The following TRRAP variants were observed in gnomAD, a reference collection of about 807,000 sequenced individuals.
The protein encoded by TRRAP is transformation/transcription domain associated protein, also known as transformation/transcription domain-associated protein.
A neutral mutation model predicts 438.8 loss-of-function variants in TRRAP; 41 were observed. That is an observed-to-expected ratio of 0.09 (90% CI 0.07 to 0.12). The LOEUF (loss-of-function observed/expected upper bound fraction) is 0.12. TRRAP is among the 10% of genes least tolerant of loss of function. The pLI is 1.00. For synonymous variants in TRRAP, 1,994 were observed against 1,962.9 expected, an observed-to-expected ratio of 1.02 and a Z score of -0.42; for missense variants, 3,122 against 5,055.1, an observed-to-expected ratio of 0.62 and a Z score of 11.60.
chr7:98,922,479 G>T (rs1298389478), intron 21 of TRRAP, among the ~76,000 whole-genome samples: 6 of 152,094 alleles, frequency 3.9e-5, no homozygotes, highest in African/African-American at 1.4e-4. Context: ...TGCCCTGTCT[G>T]TGTTGAACAC....
At chr7:99,008,606 C>T (rs759956167) in intron 70 of TRRAP, 45 bp downstream of exon 70, 7 of 1,601,060 alleles carry the variant, frequency 4.4e-6, no homozygotes, top group Non-Finnish European at 6.0e-6. Context: ...GCCTGCAGCC[C>T]TCCTGTGTGG....
intron 53 of TRRAP, among the ~76,000 whole-genome samples, chr7:98,974,862 GA>G (rs1792580835): frequency 6.6e-6 from 1 of 151,484 alleles, no homozygotes; most frequent in Admixed American, 6.6e-5. Flanking sequence ...TTTCTAACCT[GA>G]TGCAGCTGTG....
In TRRAP at chr7:98,974,461, G is replaced by A. The variant is rs1358681692; in HGVS notation, c.7840-1688G>A. ...GGCCATTGTTCCCTGTGGGAATTCTGTGGAGGCAGCAACCCCTCGCTGGGC... is the reference window on the plus strand; with the variant it reads ...GGCCATTGTTCCCTGTGGGAATTCTATGGAGGCAGCAACCCCTCGCTGGGC... On this transcript the variant is annotated intron_variant, in intron 53 of 72. Coordinates refer to ENST00000456197, the MANE Select transcript of TRRAP (RefSeq NM_001375524.1). 2.0e-5 allele frequency among the ~76,000 whole-genome samples: 3 copies of A among 152,150 alleles called. No homozygotes were observed. In the East Asian group the frequency reaches 5.8e-4, roughly 29 times the overall value.
At position 98,951,094 on chromosome 7, in the gene TRRAP, T is replaced by TGTGTG. The variant is rs1554418168; in HGVS notation, c.5463+90_5463+91insGTGTG. 6.2e-4 allele frequency: 795 copies of TGTGTG among 1,284,302 alleles called. 1 individual carries two copies. The highest frequency in any genetic ancestry group is 1.2e-3 in the South Asian group (43 of 34,848). The allele number at this position is 1,284,302 out of a possible 1,614,324, so 79.6% of individuals were successfully genotyped here. Reference sequence around the variant, plus strand: ...GTGTGTGTGTGTGTGTGTGTGTGTGTTAAGGGGGTTCATTGAAATAAGTTT... The same window carrying TGTGTG: ...GTGTGTGTGTGTGTGTGTGTGTGTGTGTGTGTAAGGGGGTTCATTGAAATAAGTTT... On this transcript the variant is annotated intron_variant, in intron 39 of 72. Transcript: ENST00000456197.
intron 63 of TRRAP, among the ~76,000 whole-genome samples, chr7:98,989,497 CAAAT>C (rs569187157): frequency 1.2e-3 from 183 of 152,358 alleles, no homozygotes; most frequent in African/African-American, 4.2e-3. Flanking sequence ...AAGAAGCAGA[CAAAT>C]AAAACCCAGA....
At position 99,005,435 on chromosome 7, in the gene TRRAP, C is replaced by A; in HGVS notation, c.10753+87C>A. The A allele has an allele frequency of 1.5e-6, 2 of 1,297,852 alleles. No homozygotes were observed. Among genetic ancestry groups the A allele is most frequent in the Non-Finnish European group, 2.2e-6 (2 of 903,326 alleles). The allele number at this position is 1,297,852 out of a possible 1,614,324, so 80.4% of individuals were successfully genotyped here. On this transcript the variant is annotated intron_variant, in intron 69 of 72. Transcript: ENST00000456197. The surrounding 1 kb of genome is among the most constrained non-coding windows in gnomAD (Gnocchi z 5.1). Reference sequence around the variant, plus strand: ...CACACCTCGTGGGGTGCACAGGCAGCTCACGTTAGCCTTTGAGGGTCCAGC... The same window carrying A: ...CACACCTCGTGGGGTGCACAGGCAGATCACGTTAGCCTTTGAGGGTCCAGC...
At chr7:98,975,600 C>T (rs28750185) in intron 53 of TRRAP, among the ~76,000 whole-genome samples, 15,451 of 152,248 alleles carry the variant, frequency 0.1, 2,588 homozygotes, top group African/African-American at 0.35. Flanking sequence ...CCAGGCGTTC[C>T]GTTCCAGTCC....
Position 98,922,437 on chromosome 7 carries a change from G to A in TRRAP, c.2823+484G>A, listed in dbSNP as rs190983035. On this transcript the variant is annotated intron_variant, in intron 21 of 72. Transcript: ENST00000456197. ...TGTGTAAAAAGCAGACAGTGCCCCC[G>A]CACCCTGCTGGAGTGTCCTGCCTGC... 2.1e-3 allele frequency among the ~76,000 whole-genome samples: 323 copies of A among 152,230 alleles called. 1 individual carries two copies. The highest frequency in any genetic ancestry group is 6.9e-3 in the African/African-American group (286 of 41,550).
At position 98,949,700 on chromosome 7, in the gene TRRAP, C is replaced by T. The variant is rs782052988; in HGVS notation, c.4994C>T (p.Ala1665Val). The change falls in exon 37 of 73, where the codon GCC (alanine) becomes GTC (valine). Residue 1665 changes from alanine to valine, a missense_variant. By Grantham distance (64) the Ala-to-Val change is moderately conservative. Transcript: ENST00000456197. ...GTGAAAAACGATGACTCCTGGCTGG[C>T]CAGCCAGCACTCTCTGGTGAGCCAG... ...IIVKNDDSWL[A>V]SQHSLVSQLR... 6.2e-7 allele frequency: 1 copy of T among 1,613,988 alleles called. No individual in the cohort carries two copies. Among genetic ancestry groups the T allele is most frequent in the Non-Finnish European group, 8.5e-7 (1 of 1,179,980 alleles).
rs767642410 is a variant in TRRAP at position 98,951,133 on chromosome 7, G to A, written c.5463+129G>A. 6.3e-4 allele frequency: 723 copies of A among 1,153,826 alleles called. 1 individual carries two copies. Among genetic ancestry groups the A allele is most frequent in the Non-Finnish European group, 6.7e-4 (596 of 885,740 alleles). 71.5% of individuals were successfully genotyped at this position (1,153,826 alleles called of 1,614,324 possible). A position where few individuals can be genotyped will look rare whatever the true frequency, so the allele number is the denominator to read the frequency against. On this transcript the variant is annotated intron_variant, in intron 39 of 72. Transcript: ENST00000456197. ...TGAAATAAGTTTGTTCCGCCAACAC[G>A]TTTATTTTTCATGATTGTGTTAGTT...
chr7:98,916,831 C>T (rs80040316), intron 19 of TRRAP, among the ~76,000 whole-genome samples: 5,616 of 152,204 alleles, frequency 0.037, 334 homozygotes, highest in African/African-American at 0.13. Context: ...TCTGCTGCCC[C>T]GTGAGGCCAT....
chr7:98,895,663 T>C (rs1174593867), intron 6 of TRRAP, 101 bp from the exon 7 acceptor site: 11 of 955,004 alleles, frequency 1.2e-5, no homozygotes, highest in Admixed American at 3.1e-5. Context: ...ACCTCTCTTA[T>C]GAGTTCTTAC....
At chr7:98,950,765 T>G in intron 38 of TRRAP, 111 bp from the exon 39 acceptor site, 6 of 1,317,186 alleles carry the variant, frequency 4.6e-6, no homozygotes, top group Non-Finnish European at 6.0e-6. Flanking sequence ...CACCCTGGGT[T>G]GAGTTCCAAC....
At chr7:98,992,063 T>C in intron 64 of TRRAP, 74 bp from the exon 65 acceptor site, 2 of 1,534,868 alleles carry the variant, frequency 1.3e-6, no homozygotes, top group African/African-American at 2.7e-5. Flanking sequence ...ACATTGGTTA[T>C]TTTCAGTACA....
Position 98,945,744 on chromosome 7 carries a change from C to T in TRRAP, c.4474-3C>T, listed in dbSNP as rs1791025519. 6.3e-7 allele frequency: 1 copy of T among 1,598,086 alleles called. No homozygotes were observed. Among genetic ancestry groups the T allele is most frequent in the East Asian group, 2.2e-5 (1 of 44,882 alleles). On this transcript the variant is annotated splice_polypyrimidine_tract_variant and splice_region_variant and intron_variant, in intron 31 of 72. Transcript: ENST00000456197. The stretch of plus-strand genomic sequence containing the variant: ...AAAAGATGATTTTCCTCCCCATCCT[C>T]AGGAAAGCATTTCCGAGTGCGGGAG...
Position 98,893,674 on chromosome 7 carries a change from C to G in TRRAP, c.367-124C>G, listed in dbSNP as rs557430744. 6.4e-5 allele frequency: 54 copies of G among 841,268 alleles called. 1 individual carries two copies. The Admixed American group carries it at 1.3e-3, about 20-fold the overall frequency. 52.1% of individuals were successfully genotyped at this position (841,268 alleles called of 1,614,324 possible). ...GTCTGGGACAACTGTGTTCTGTGAG[C>G]TGATGAATTTTCAGCAAATCCAATA... On this transcript the variant is annotated intron_variant, in intron 5 of 72. Coordinates refer to ENST00000456197, the MANE Select transcript of TRRAP (RefSeq NM_001375524.1).
intron 23 of TRRAP, among the ~76,000 whole-genome samples, chr7:98,927,977 G>A (rs145106704): frequency 0.01 from 1,548 of 152,256 alleles, 30 homozygotes; most frequent in African/African-American, 0.034. Context: ...GGTGGCTCAC[G>A]CCTATAATCC....
intron 23 of TRRAP, among the ~76,000 whole-genome samples, chr7:98,929,504 C>G (rs563668455): frequency 6.6e-6 from 1 of 152,206 alleles, no homozygotes; most frequent in Non-Finnish European, 1.5e-5. Context: ...AAAATACAGC[C>G]TAAAGGCATA....
In TRRAP at chr7:98,956,187, G is replaced by A; in HGVS notation, c.5979G>A (p.Val1993=). The change falls in exon 42 of 73, where the codon GTG becomes GTA. Residue 1993 remains valine (V), a synonymous_variant. Transcript: ENST00000456197. This position sits in a 1 kb window ranked among gnomAD's most constrained non-coding sequence, Gnocchi z 4.5. ...PVRHHLVQHM[V]SAMQRLGFTP... ...GGCACCACTTGGTGCAGCACATGGT[G>A]AGCGCCATGCAGAGGCTGGGCTTCA... 1 of 1,612,940 alleles carries A rather than the reference G, an allele frequency of 6.2e-7. No homozygotes were observed. The highest frequency in any genetic ancestry group is 8.5e-7 in the Non-Finnish European group (1 of 1,179,972).
Sources: allele counts gnomAD v4.1 joint callset (sites outside exome capture counted in the v4.1 genomes callset), GRCh38; gene constraint gnomAD v4.1.1; non-coding constraint Gnocchi (gnomAD v3.1); transcripts MANE v1.5; gene names NCBI Gene and HGNC (gene_info 2026-07-23, HGNC 2026-07-21).